The following PDE1C variants were observed in gnomAD, a reference collection of about 807,000 sequenced individuals.
PDE1C encodes dual specificity calcium/calmodulin-dependent 3',5'-cyclic nucleotide phosphodiesterase 1C.
PDE1C carries 62 observed loss-of-function variants against 93.1 expected under a neutral mutation model. The observed-to-expected ratio is 0.67, with a 90% confidence interval of 0.54 to 0.82. The LOEUF (loss-of-function observed/expected upper bound fraction) is 0.82. Among genes scored for constraint, PDE1C ranks in the 40% least tolerant of loss-of-function variants. The pLI is 0.00. For missense variants in PDE1C, 742 were observed against 884.6 expected (o/e 0.84, Z 2.04); for synonymous variants, 325 against 310.1 (o/e 1.05, Z -0.50).
At chr7:31,659,228 G>C in the PDE1C span, among the ~76,000 whole-genome samples, 1 of 152,088 alleles carries the variant, frequency 6.6e-6, no homozygotes, top group East Asian at 1.9e-4. Flanking sequence ...ATAGGCATTT[G>C]TCAAATGCAT....
intron 3 of PDE1C, among the ~76,000 whole-genome samples, chr7:32,104,283 G>C (rs1439335298): frequency 6.6e-6 from 1 of 151,926 alleles, no homozygotes; most frequent in Non-Finnish European, 1.5e-5. Context: ...TTCCAGAGAG[G>C]GTGAAAAAAG....
intron 14 of PDE1C, among the ~76,000 whole-genome samples, chr7:31,818,614 C>A (rs1362249400): frequency 6.6e-6 from 1 of 152,080 alleles, no homozygotes; most frequent in Non-Finnish European, 1.5e-5. Flanking sequence ...AAGTCTTATT[C>A]TGAAAGAGTA....
chr7:32,036,251 C>A (rs1041708966), intron 2 of PDE1C, among the ~76,000 whole-genome samples: 1 of 152,228 alleles, frequency 6.6e-6, no homozygotes, highest in African/African-American at 2.4e-5. Flanking sequence ...ATTCACCTGC[C>A]CCAGCATATC....
At chr7:31,839,189 TATAC>T (rs986003335) in intron 9 of PDE1C, among the ~76,000 whole-genome samples, 32 of 149,430 alleles carry the variant, frequency 2.1e-4, no homozygotes, top group African/African-American at 2.7e-4. Flanking sequence ...TATACGTATG[TATAC>T]ATACATACAT....
the PDE1C span, among the ~76,000 whole-genome samples, chr7:31,659,143 C>T: frequency 4.6e-5 from 7 of 152,166 alleles, no homozygotes; most frequent in South Asian, 2.1e-4. Flanking sequence ...ATCCCTGAAA[C>T]CAAGTGTTTA....
At chr7:32,332,216 C>G (rs1193285532) in intron 1 of PDE1C, among the ~76,000 whole-genome samples, 1 of 151,804 alleles carries the variant, frequency 6.6e-6, no homozygotes, top group Admixed American at 6.6e-5. Flanking sequence ...AAAAAATGAA[C>G]AGAAGATTTG....
chr7:32,025,603 A>T (rs1000970046), intron 2 of PDE1C, among the ~76,000 whole-genome samples: 2 of 152,140 alleles, frequency 1.3e-5, no homozygotes, highest in African/African-American at 4.8e-5. Flanking sequence ...AGCTCTGAGC[A>T]AGCAAGTCCT....
At chr7:31,880,918 C>T (rs1016597290) in intron 2 of PDE1C, 58 bp from the exon 3 acceptor site, 1 of 1,038,112 alleles carries the variant, frequency 9.6e-7, no homozygotes, top group South Asian at 1.3e-5. Flanking sequence ...AATAATCCTA[C>T]AACTATGGTG....
intron 1 of PDE1C, among the ~76,000 whole-genome samples, chr7:32,315,602 T>G (rs1328291267): frequency 6.6e-6 from 1 of 152,204 alleles, no homozygotes; most frequent in African/African-American, 2.4e-5. Flanking sequence ...CTCCAAATTT[T>G]CTAGCATGCT....
At chr7:32,253,514 G>A (rs28670858) in intron 1 of PDE1C, among the ~76,000 whole-genome samples, 19,090 of 152,192 alleles carry the variant, frequency 0.13, 1,428 homozygotes, top group African/African-American at 0.19. Flanking sequence ...ATAATAGCCT[G>A]TTCTTTTCAC....
chr7:31,898,148 T>TA (rs1799546466), intron 2 of PDE1C, among the ~76,000 whole-genome samples: 2 of 152,126 alleles, frequency 1.3e-5, no homozygotes, highest in African/African-American at 4.8e-5. Flanking sequence ...ATTTCACAAA[T>TA]ACCTATCATT....
Position 31,782,432 on chromosome 7 carries a change from T to C in PDE1C, c.1892-6700A>G, listed in dbSNP as rs12056298. ...TACTTTCCAAATTGAGTAAATTCTA[T>C]TTTTACTTTAAGAAAAAAATTAAAA... On this transcript the variant is annotated intron_variant, in intron 16 of 17. Transcript: ENST00000396191. Among the ~76,000 whole-genome samples, 2,406 of 152,324 alleles carry C rather than the reference T, an allele frequency of 0.016. 125 individuals carry two copies. In the East Asian group the frequency reaches 0.19, roughly 12 times the overall value.
chr7:31,798,528 G>A (rs543029223), intron 16 of PDE1C, among the ~76,000 whole-genome samples: 3 of 151,650 alleles, frequency 2.0e-5, no homozygotes, highest in Non-Finnish European at 4.4e-5. Context: ...GTGTAGTGAC[G>A]CAACATAAAC....
At chr7:32,207,954 G>T (rs1365161226) in intron 2 of PDE1C, among the ~76,000 whole-genome samples, 1 of 152,154 alleles carries the variant, frequency 6.6e-6, no homozygotes. Flanking sequence ...TTATTTATTT[G>T]CCTGACAACT....
intron 2 of PDE1C, among the ~76,000 whole-genome samples, chr7:32,040,522 G>A (rs1023365977): frequency 2.6e-5 from 4 of 152,114 alleles, no homozygotes; most frequent in African/African-American, 7.2e-5. Flanking sequence ...ACCCCCAGTC[G>A]AGAACCACTG....
At chr7:32,080,559 C>A (rs1796604918) in intron 3 of PDE1C, among the ~76,000 whole-genome samples, 1 of 152,172 alleles carries the variant, frequency 6.6e-6, no homozygotes, top group Admixed American at 6.5e-5. Flanking sequence ...TTTCAATTAT[C>A]TGATTAGCTG....
At chr7:32,214,529 C>T (rs976894707) in intron 1 of PDE1C, among the ~76,000 whole-genome samples, 3 of 152,112 alleles carry the variant, frequency 2.0e-5, no homozygotes, top group Admixed American at 6.5e-5. Context: ...AGTGAGCAGC[C>T]GAAGTTGAGA....
At chr7:32,100,702 G>A (rs1377146404) in intron 3 of PDE1C, among the ~76,000 whole-genome samples, 1 of 152,104 alleles carries the variant, frequency 6.6e-6, no homozygotes, top group East Asian at 1.9e-4. Context: ...ATGACCACGT[G>A]TACCTATACA....
intron 1 of PDE1C, among the ~76,000 whole-genome samples, chr7:32,411,891 A>AT (rs35552220): frequency 0.15 from 22,202 of 150,646 alleles, 3,197 homozygotes; most frequent in African/African-American, 0.37. Flanking sequence ...AAATATTTTA[A>AT]TTTTTTTTTT....
Sources: allele counts gnomAD v4.1 joint callset (sites outside exome capture counted in the v4.1 genomes callset), GRCh38; gene constraint gnomAD v4.1.1; transcripts MANE v1.5; gene names NCBI Gene and HGNC (gene_info 2026-07-23, HGNC 2026-07-21).